Variants in JAZF1 observed in about 807,000 individuals in gnomAD.
The protein encoded by JAZF1 is juxtaposed with another zinc finger protein 1.
In JAZF1, 8 loss-of-function variants were observed where a neutral mutation model predicts 26.4. That is an observed-to-expected ratio of 0.30 (90% confidence interval 0.18 to 0.55). JAZF1 has a LOEUF of 0.55. Among genes scored for constraint, JAZF1 ranks in the 20% least tolerant of loss-of-function variants. The probability of loss-of-function intolerance (pLI) is 0.94; values close to 1 mark genes in which losing one functional copy is unlikely to be tolerated. For synonymous variants in JAZF1, 126 were observed against 122.3 expected (o/e 1.03, Z -0.20); for missense variants, 199 against 322.0 (o/e 0.62, Z 2.92).
chr7:28,024,728 A>G (rs1378197560), intron 1 of JAZF1, among the ~76,000 whole-genome samples: 1 of 152,116 alleles, frequency 6.6e-6, no homozygotes, highest in Non-Finnish European at 1.5e-5. Flanking sequence ...TCCCAGAGAG[A>G]TTAAAGGGCT....
chr7:28,106,937 C>A (rs1437077993), intron 1 of JAZF1, among the ~76,000 whole-genome samples: 8 of 152,306 alleles, frequency 5.3e-5, no homozygotes, highest in Middle Eastern at 3.4e-3. Flanking sequence ...CTGGAGGAAT[C>A]TGAGAGTTAG....
rs2391494 is a variant in JAZF1, at chr7:28,055,637, T to C, written c.116-63656A>G. Among the ~76,000 whole-genome samples, 21 of 152,374 alleles carry C rather than the reference T, an allele frequency of 1.4e-4. No homozygotes were observed. The East Asian group carries it at 3.9e-3, about 28-fold the overall frequency. ...TAATGTTTTAATATCATTTACTACATACAATGTAAGCTTCACGAAGACAAG... is the reference window on the plus strand; with the variant it reads ...TAATGTTTTAATATCATTTACTACACACAATGTAAGCTTCACGAAGACAAG... On this transcript the variant is annotated intron_variant, in intron 1 of 4. Transcript: ENST00000283928.
intron 2 of JAZF1, among the ~76,000 whole-genome samples, chr7:27,984,015 A>G (rs994220448): frequency 1.3e-5 from 2 of 152,256 alleles, no homozygotes; most frequent in Non-Finnish European, 2.9e-5. Flanking sequence ...TGTAAAGACC[A>G]TCAAGGCCAG....
At position 27,911,158 on chromosome 7, in the gene JAZF1, A is replaced by G. The variant is rs562764131; in HGVS notation, c.189-15742T>C. On this transcript the variant is annotated intron_variant, in intron 2 of 4. Transcript: ENST00000283928. ...TCCATAGCGTTTTTAGGTGTTCCCA[A>G]CGGTGTGCAAACTAACCCCTTCTTA... 1.7e-4 allele frequency among the ~76,000 whole-genome samples: 26 copies of G among 152,270 alleles called. No individual in the cohort carries two copies. The South Asian group carries it at 2.9e-3, about 17-fold the overall frequency.
intron 2 of JAZF1, among the ~76,000 whole-genome samples, chr7:27,929,638 T>C (rs1320242984): frequency 6.6e-6 from 1 of 152,194 alleles, no homozygotes; most frequent in Non-Finnish European, 1.5e-5. Flanking sequence ...GGCAAAAGAC[T>C]TAACCTCTTG....
At position 28,009,086 on chromosome 7, in the gene JAZF1, G is replaced by C. The variant is rs1211630934; in HGVS notation, c.116-17105C>G. Among the ~76,000 whole-genome samples the C allele has an allele frequency of 1.3e-5, 2 of 152,058 alleles. 1 individual carries two copies. Among genetic ancestry groups the C allele is most frequent in the Middle Eastern group, 6.3e-3 (2 of 316 alleles). ...GATTTGGTAAACCTTACTATCAGCT[G>C]AGTTTCCACAAATGGAAGGCAGAGA... On this transcript the variant is annotated intron_variant, in intron 1 of 4. Coordinates refer to ENST00000283928, the MANE Select transcript of JAZF1 (RefSeq NM_175061.4).
chr7:27,910,863 C>T (rs994042256), intron 2 of JAZF1, among the ~76,000 whole-genome samples: 1 of 152,196 alleles, frequency 6.6e-6, no homozygotes, highest in African/African-American at 2.4e-5. Context: ...TTGTTCCCCC[C>T]ACCCCAAGTA....
intron 1 of JAZF1, among the ~76,000 whole-genome samples, chr7:28,158,149 G>A (rs191985420): frequency 9.1e-5 from 12 of 131,894 alleles, no homozygotes; most frequent in South Asian, 5.4e-4. Context: ...AAACACGCGC[G>A]CACACACACA....
chr7:27,996,748 T>C (rs1421350901), intron 1 of JAZF1, among the ~76,000 whole-genome samples: 3 of 152,240 alleles, frequency 2.0e-5, no homozygotes, highest in Non-Finnish European at 2.9e-5. Flanking sequence ...AGGGGTGTTA[T>C]CAAGGCATAT....
At chr7:27,999,406 G>T (rs907436408) in intron 1 of JAZF1, among the ~76,000 whole-genome samples, 2 of 152,200 alleles carry the variant, frequency 1.3e-5, no homozygotes, top group Admixed American at 6.5e-5. Context: ...GTATCTGGAA[G>T]AGAAGACAGC....
intron 1 of JAZF1, among the ~76,000 whole-genome samples, chr7:28,072,362 C>T (rs1165007842): frequency 1.3e-5 from 2 of 152,196 alleles, no homozygotes; most frequent in Admixed American, 1.3e-4. Context: ...AACAAAACGG[C>T]ATAAGCCTAC....
chr7:27,929,676 G>C (rs1177643212), intron 2 of JAZF1, among the ~76,000 whole-genome samples: 1 of 152,148 alleles, frequency 6.6e-6, no homozygotes, highest in Non-Finnish European at 1.5e-5. Context: ...GTAAAATGAG[G>C]TTTATCCCAT....
chr7:28,146,470 A>T (rs1783029549), intron 1 of JAZF1, among the ~76,000 whole-genome samples: 1 of 152,246 alleles, frequency 6.6e-6, no homozygotes, highest in South Asian at 2.1e-4. Context: ...ACTGAAATTT[A>T]TCTTATTAAG....
At chr7:27,940,509 A>G (rs1401738427) in intron 2 of JAZF1, among the ~76,000 whole-genome samples, 1 of 152,146 alleles carries the variant, frequency 6.6e-6, no homozygotes, top group Non-Finnish European at 1.5e-5. Flanking sequence ...TTTCACAGAG[A>G]ACGACTACAG....
Position 27,840,876 on chromosome 7 carries a change from CAA to C in JAZF1, c.386-11_386-10del. The C allele has an allele frequency of 6.2e-7, 1 of 1,613,614 alleles. No homozygotes were observed. Among genetic ancestry groups the C allele is most frequent in the Non-Finnish European group, 8.5e-7 (1 of 1,179,760 alleles). On this transcript the variant is annotated splice_polypyrimidine_tract_variant and intron_variant, in intron 3 of 4. Transcript: ENST00000283928. The surrounding 1 kb of genome is among the most constrained non-coding windows in gnomAD (Gnocchi z 5.1). ...CTCGTCATACTCGCTGCCTGCAGGA[CAA>C]GAGAAGTGCAAGGACTGTCAGGAGC...
intron 1 of JAZF1, among the ~76,000 whole-genome samples, chr7:28,158,347 C>T (rs1253642378): frequency 6.6e-6 from 1 of 152,128 alleles, no homozygotes; most frequent in Admixed American, 6.5e-5. Context: ...TGGGGCTTTC[C>T]AGTAAGCCCT....
At chr7:28,115,889 A>C (rs1784733626) in intron 1 of JAZF1, among the ~76,000 whole-genome samples, 1 of 151,462 alleles carries the variant, frequency 6.6e-6, no homozygotes, top group Non-Finnish European at 1.5e-5. Context: ...AAGGGAGCAT[A>C]CTATATATGG....
At chr7:28,046,002 G>C (rs1462237634) in intron 1 of JAZF1, among the ~76,000 whole-genome samples, 2 of 152,188 alleles carry the variant, frequency 1.3e-5, no homozygotes, top group African/African-American at 4.8e-5. Flanking sequence ...AAGTTAAAAA[G>C]TGAGTATCCT....
At chr7:28,012,400 C>A (rs562724848) in intron 1 of JAZF1, among the ~76,000 whole-genome samples, 2 of 152,234 alleles carry the variant, frequency 1.3e-5, no homozygotes, top group Non-Finnish European at 2.9e-5. Context: ...AATGGAGGGA[C>A]TCATGAAGAA....
Sources: allele counts gnomAD v4.1 joint callset (sites outside exome capture counted in the v4.1 genomes callset), GRCh38; gene constraint gnomAD v4.1.1; non-coding constraint Gnocchi (gnomAD v3.1); transcripts MANE v1.5; gene names NCBI Gene and HGNC (gene_info 2026-07-23, HGNC 2026-07-21).